TOPBP1: variants seen among roughly 807,000 people sequenced by gnomAD.
TOPBP1 encodes the protein DNA topoisomerase 2-binding protein 1.
Under a neutral mutation model 167.7 loss-of-function variants are expected in TOPBP1, and 28 were observed. The observed-to-expected ratio is 0.17, with a 90% CI of 0.12 to 0.23. The LOEUF is 0.23. Among genes scored for constraint, TOPBP1 ranks in the 10% least tolerant of loss-of-function variants. The probability of loss-of-function intolerance (pLI) is 1.00; values close to 1 mark genes in which losing one functional copy is unlikely to be tolerated. For synonymous variants in TOPBP1, 598 were observed against 611.4 expected, an observed-to-expected ratio of 0.98 and a Z score of 0.32; for missense variants, 1,554 against 1,809.6, an observed-to-expected ratio of 0.86 and a Z score of 2.56.
At chr3:133,610,981 C>A in intron 25 of TOPBP1, 23 bp downstream of exon 25, 1 of 1,592,478 alleles carries the variant, frequency 6.3e-7, no homozygotes, top group Non-Finnish European at 8.6e-7. Flanking sequence ...ATTTGTATTA[C>A]CTATATAATT....
intron 13 of TOPBP1, 90 bp downstream of exon 13, chr3:133,639,869 A>G (rs11712672): frequency 0.18 from 234,154 of 1,322,926 alleles, 23,001 homozygotes; most frequent in Non-Finnish European, 0.2. Flanking sequence ...AAAATCAATG[A>G]CCCTTCCTAA....
At chr3:133,631,835 G>A (rs1006079521) in intron 14 of TOPBP1, among the ~76,000 whole-genome samples, 7 of 151,850 alleles carry the variant, frequency 4.6e-5, no homozygotes, top group Non-Finnish European at 5.9e-5. Flanking sequence ...ATGGGGTTTC[G>A]CCATATTGGC....
At chr3:133,651,960 C>T (rs1434217010) in intron 8 of TOPBP1, among the ~76,000 whole-genome samples, 1 of 152,024 alleles carries the variant, frequency 6.6e-6, no homozygotes, top group Non-Finnish European at 1.5e-5. Context: ...ATAGTGAGAC[C>T]TTGTCTCTAC....
intron 14 of TOPBP1, among the ~76,000 whole-genome samples, chr3:133,633,935 C>T (rs1317601630): frequency 6.6e-6 from 1 of 152,216 alleles, no homozygotes; most frequent in Non-Finnish European, 1.5e-5. Flanking sequence ...CCTCAAACTT[C>T]CAGCGTTATT....
chr3:133,644,187 A>C lies in TOPBP1; in HGVS notation c.1681T>G (p.Leu561Val). The change falls in exon 11 of 28, where the codon TTG becomes GTG. Residue 561 changes from leucine to valine, a missense_variant. Coordinates refer to ENST00000260810, the MANE Select transcript of TOPBP1 (RefSeq NM_007027.4). Reference protein sequence around the residue: ...GLFSQKSFLVLGFSNENESNI... With the variant: ...GLFSQKSFLVVGFSNENESNI... ...GATTCATTTTCATTACTAAAACCCA[A>C]AACAAGGAAACTCTTTTGGCTAAAT... The C allele has an allele frequency of 6.2e-7, 1 of 1,613,904 alleles. No individual in the cohort carries two copies. The highest frequency in any genetic ancestry group is 8.5e-7 in the Non-Finnish European group (1 of 1,179,864).
intron 19 of TOPBP1, among the ~76,000 whole-genome samples, chr3:133,622,185 G>GTTTTT (rs398052284): frequency 0.01 from 1,080 of 106,376 alleles, 25 homozygotes; most frequent in East Asian, 0.021. Context: ...CACCATTTAT[G>GTTTTT]TTTTTTTTTT....
At chr3:133,641,244 T>C (rs1258604841) in intron 12 of TOPBP1, among the ~76,000 whole-genome samples, 3 of 152,248 alleles carry the variant, frequency 2.0e-5, no homozygotes, top group African/African-American at 4.8e-5. Flanking sequence ...ATATTTGAAA[T>C]GTCACTTGTA....
intron 27 of TOPBP1, among the ~76,000 whole-genome samples, chr3:133,607,403 A>G (rs553435364): frequency 6.6e-4 from 100 of 152,226 alleles, no homozygotes; most frequent in African/African-American, 2.2e-3. Context: ...TTTTATGGAC[A>G]TATTTTTTCA....
intron 12 of TOPBP1, among the ~76,000 whole-genome samples, chr3:133,642,380 AG>A (rs34134617): frequency 0.4 from 60,460 of 151,952 alleles, 12,575 homozygotes; most frequent in East Asian, 0.54. Context: ...TGCTTTTTCA[AG>A]TCTTTTAGCT....
chr3:133,618,546 C>A, intron 20 of TOPBP1, 113 bp from the exon 21 acceptor site: 1 of 823,986 alleles, frequency 1.2e-6, no homozygotes, highest in Non-Finnish European at 1.9e-6. Flanking sequence ...CACCATCTAG[C>A]ACACAGTATG....
chr3:133,641,537 T>A (rs1935890220), intron 12 of TOPBP1, among the ~76,000 whole-genome samples: 2 of 152,196 alleles, frequency 1.3e-5, no homozygotes. Context: ...GGCTCATTTT[T>A]AAAATTTTTT....
At position 133,603,661 on chromosome 3, in the gene TOPBP1, A is replaced by ACTC. The variant is rs1418081858; in HGVS notation, c.4426-2269_4426-2268insGAG. 6.5e-4 allele frequency among the ~76,000 whole-genome samples: 99 copies of ACTC among 152,280 alleles called. 3 individuals are homozygous for ACTC. The highest frequency in any genetic ancestry group is 3.4e-3 in the Middle Eastern group (1 of 294). On this transcript the variant is annotated intron_variant, in intron 27 of 27. Transcript: ENST00000260810. ...AAAATCAAAGAAATTATATATGGGTAAACAACTAGCAACAAAGTTTGAAAT... is the reference window on the plus strand; with the variant it reads ...AAAATCAAAGAAATTATATATGGGTACTCAACAACTAGCAACAAAGTTTGAAAT...
intron 23 of TOPBP1, among the ~76,000 whole-genome samples, chr3:133,615,259 C>T: frequency 6.6e-6 from 1 of 152,186 alleles, no homozygotes; most frequent in East Asian, 1.9e-4. Flanking sequence ...CATCTGAGGT[C>T]AGCAGTTCGA....
Position 133,624,035 on chromosome 3 carries a change from A to T in TOPBP1, c.2928+17T>A. 1 of 1,595,094 alleles carries T rather than the reference A, an allele frequency of 6.3e-7. No individual in the cohort carries two copies. The highest frequency in any genetic ancestry group is 8.5e-7 in the Non-Finnish European group (1 of 1,171,330). ...TTTTCAATTAACAGAGATGGGGGGG[A>T]AAAAAGCACTGCTTACATCTAAAAG... On this transcript the variant is annotated intron_variant, in intron 17 of 27. Transcript: ENST00000260810.
rs117762645 is a variant in TOPBP1 at position 133,614,621 on chromosome 3, T to G, written c.3872-2069A>C. Among the ~76,000 whole-genome samples, 184 of 152,272 alleles carry G rather than the reference T, an allele frequency of 1.2e-3. 1 individual carries two copies. In the East Asian group the frequency reaches 0.021, roughly 18 times the overall value. ...TCTTCTAGATCAATTCTCTGCTAATTGCTGTCACTCTTCCCCAAAGTTTGC... is the reference window on the plus strand; with the variant it reads ...TCTTCTAGATCAATTCTCTGCTAATGGCTGTCACTCTTCCCCAAAGTTTGC... On this transcript the variant is annotated intron_variant, in intron 23 of 27. Coordinates refer to ENST00000260810, the MANE Select transcript of TOPBP1 (RefSeq NM_007027.4).
At chr3:133,604,503 G>A (rs1320141370) in intron 27 of TOPBP1, among the ~76,000 whole-genome samples, 1 of 151,546 alleles carries the variant, frequency 6.6e-6, no homozygotes, top group East Asian at 1.9e-4. Flanking sequence ...CAACAAATTT[G>A]ATAAGATGAA....
intron 19 of TOPBP1, 127 bp downstream of exon 19, chr3:133,622,964 G>T: frequency 5.4e-6 from 3 of 557,692 alleles, no homozygotes; most frequent in South Asian, 6.0e-5. Flanking sequence ...GGCTCACAAG[G>T]CAGGAGGATC....
chr3:133,652,615 C>G lies in TOPBP1; in HGVS notation c.937G>C (p.Asp313His), dbSNP rs1353662227. Residue 313 changes from aspartate (D) to histidine (H), a missense_variant, in exon 8 of 28, where the codon GAT becomes CAT. Asp to His is a moderately conservative substitution (Grantham distance 81). Transcript: ENST00000260810. ...TTTATGTTGGAAATATTGCTGACATCTGAAAGAGTACGACCTACATATTTT... is the reference window on the plus strand; with the variant it reads ...TTTATGTTGGAAATATTGCTGACATGTGAAAGAGTACGACCTACATATTTT... Reference protein sequence around the residue: ...INTIDSRTLSDVSNISNINAS... With the variant: ...INTIDSRTLSHVSNISNINAS... 5 of 1,609,370 alleles carry G rather than the reference C, an allele frequency of 3.1e-6. No homozygotes were observed. The South Asian group carries it at 3.3e-5, about 11-fold the overall frequency.
intron 25 of TOPBP1, 47 bp from the exon 26 acceptor site, chr3:133,609,009 A>C (rs755210312): frequency 7.0e-7 from 1 of 1,422,352 alleles, no homozygotes; most frequent in South Asian, 1.2e-5. Flanking sequence ...GAAAATAACA[A>C]AATAATACAG....
Sources: allele counts gnomAD v4.1 joint callset (sites outside exome capture counted in the v4.1 genomes callset), GRCh38; gene constraint gnomAD v4.1.1; transcripts MANE v1.5; gene names NCBI Gene and HGNC (gene_info 2026-07-23, HGNC 2026-07-21).